The following HPSE variants were observed in gnomAD, a reference collection of about 807,000 sequenced individuals.
HPSE encodes endo-glucoronidase.
A neutral mutation model predicts 65.1 loss-of-function variants in HPSE; 48 were observed. The ratio of observed to expected loss-of-function variants is 0.74; its 90% CI spans 0.58 to 0.94. The LOEUF (loss-of-function observed/expected upper bound fraction) is 0.94. Among genes scored for constraint, HPSE ranks in the 40% least tolerant of loss-of-function variants. HPSE has a pLI of 0.00. For missense variants in HPSE, 644 were observed against 637.5 expected (o/e 1.01, Z -0.11); for synonymous variants, 243 against 260.0 (o/e 0.93, Z 0.63).
In HPSE at chr4:83,302,205, G is replaced by A. The variant is rs774923380; in HGVS notation, c.1270C>T (p.Gln424Ter). 1.2e-6 allele frequency: 2 copies of A among 1,613,932 alleles called. No homozygotes were observed. The highest frequency in any genetic ancestry group is 2.2e-5 in the South Asian group (2 of 91,068). ...VGTKVLMASV[Q>*]GSKRRKLRVY... ...CGAAGCTTCCTTCTCTTTGAACCTT[G>A]CACGCTTGCCATTAACACCTTGGTG... is the stretch of plus-strand genomic sequence containing the variant. Residue 424 changes from glutamine to a stop codon, truncating the protein, a stop_gained, in exon 10 of 12, where the codon CAA becomes TAA. Transcript: ENST00000311412. LOFTEE classifies it high-confidence loss of function.
At chr4:83,317,712 A>AC (rs1244115101) in intron 3 of HPSE, among the ~76,000 whole-genome samples, 1 of 151,256 alleles carries the variant, frequency 6.6e-6, no homozygotes, top group Admixed American at 6.6e-5. Context: ...GTTTAATGCG[A>AC]CCCCCCAAGA....
Position 83,316,176 on chromosome 4 carries a change from G to A in HPSE, c.500-2889C>T, listed in dbSNP as rs1477596769. Reference sequence around the variant, plus strand: ...GCAGTAGCTGGGACTACAGGTGGACGCCACCAAGCCCGGCTAGTTTTTGTA... The same window carrying A: ...GCAGTAGCTGGGACTACAGGTGGACACCACCAAGCCCGGCTAGTTTTTGTA... On this transcript the variant is annotated intron_variant, in intron 3 of 11. Transcript: ENST00000311412. Among the ~76,000 whole-genome samples, 4 of 151,874 alleles carry A rather than the reference G, an allele frequency of 2.6e-5. No individual in the cohort carries two copies. In the East Asian group the frequency reaches 5.8e-4, roughly 22 times the overall value.
intron 6 of HPSE, among the ~76,000 whole-genome samples, 189 bp downstream of exon 6, chr4:83,309,842 C>T (rs1736298580): frequency 1.3e-5 from 2 of 152,196 alleles, no homozygotes; most frequent in Admixed American, 6.5e-5. Flanking sequence ...GAAACCACTA[C>T]ATTATTTAAA....
chr4:83,301,640 G>A (rs537581602), intron 10 of HPSE, among the ~76,000 whole-genome samples: 10 of 152,144 alleles, frequency 6.6e-5, no homozygotes, highest in African/African-American at 2.2e-4. Context: ...ACCAACAATC[G>A]GAAATGGTAG....
At chr4:83,295,527 A>C (rs758761736) in intron 11 of HPSE, 24 bp from the exon 12 acceptor site, 1 of 1,536,242 alleles carries the variant, frequency 6.5e-7, no homozygotes, top group South Asian at 1.3e-5. Context: ...AGATACACCG[A>C]GTTAACCAAG....
chr4:83,318,508 C>T (rs1034815202), intron 3 of HPSE, among the ~76,000 whole-genome samples: 4 of 151,978 alleles, frequency 2.6e-5, no homozygotes, highest in African/African-American at 9.7e-5. Flanking sequence ...ATGGTAGGCA[C>T]CTGTAATCTC....
At chr4:83,334,940 C>A, upstream of HPSE, 3 of 1,202,744 alleles carry the variant, frequency 2.5e-6, no homozygotes, top group Non-Finnish European at 3.4e-6. Context: ...CCCTCCCACT[C>A]CTCTTCTGCA....
chr4:83,322,815 GTGTGTGTGTGTGTGTGTGTGTGTT>G (rs1489252903), intron 1 of HPSE, among the ~76,000 whole-genome samples: 1 of 147,508 alleles, frequency 6.8e-6, no homozygotes, highest in African/African-American at 2.5e-5. Flanking sequence ...GTGTGTGTGT[GTGTGTGTGTGTGTGTGTGTGTGTT>G]TGTGTGTGGA....
intron 1 of HPSE, among the ~76,000 whole-genome samples, chr4:83,329,861 G>A (rs1169899042): frequency 2.6e-5 from 4 of 152,052 alleles, no homozygotes; most frequent in African/African-American, 9.7e-5. Flanking sequence ...AGTTAATAAG[G>A]GGGAGTAAGT....
intron 11 of HPSE, among the ~76,000 whole-genome samples, chr4:83,299,040 T>C (rs780918738): frequency 1.3e-5 from 2 of 151,968 alleles, no homozygotes; most frequent in Non-Finnish European, 2.9e-5. Flanking sequence ...TCACCAGTTT[T>C]CCAATTATAA....
intron 5 of HPSE, among the ~76,000 whole-genome samples, chr4:83,310,317 T>A (rs1205004445): frequency 6.6e-6 from 1 of 152,122 alleles, no homozygotes; most frequent in East Asian, 1.9e-4. Context: ...AGCAGATTGT[T>A]TAATAACATG....
Position 83,313,204 on chromosome 4 carries a change from C to G in HPSE, c.583G>C (p.Ala195Pro). Residue 195 changes from alanine (A) to proline (P), a missense_variant, in exon 4 of 12, where the codon GCA (alanine) becomes CCA (proline). Physicochemically the swap from Ala to Pro is conservative, Grantham distance 27. Coordinates refer to ENST00000311412, the MANE Select transcript of HPSE (RefSeq NM_001098540.3). Reference sequence around the variant, plus strand: ...TTAGAACTGTTCCACTGCAAATCTGCTGTTCTTAATAACGCATTTAGGCCA... The same window carrying G: ...TTAGAACTGTTCCACTGCAAATCTGGTGTTCTTAATAACGCATTTAGGCCA... ...IFGLNALLRTADLQWNSSNAQ... is the reference protein window; with the variant it reads ...IFGLNALLRTPDLQWNSSNAQ... 1 of 1,613,856 alleles carries G rather than the reference C, an allele frequency of 6.2e-7. No individual in the cohort carries two copies. Among genetic ancestry groups the G allele is most frequent in the Non-Finnish European group, 8.5e-7 (1 of 1,179,796 alleles).
upstream of HPSE, chr4:83,334,858 C>A: frequency 7.0e-7 from 1 of 1,436,764 alleles, no homozygotes; most frequent in Non-Finnish European, 9.1e-7. Context: ...TTCCTCCCGC[C>A]GAGCCCCAGC....
At chr4:83,306,442 G>A in intron 8 of HPSE, 125 bp from the exon 9 acceptor site, 1 of 543,808 alleles carries the variant, frequency 1.8e-6, no homozygotes. Context: ...TAGAGACAGG[G>A]TCTCACTCTG....
At chr4:83,318,955 G>C (rs982666811) in intron 3 of HPSE, among the ~76,000 whole-genome samples, 1 of 152,046 alleles carries the variant, frequency 6.6e-6, no homozygotes, top group African/African-American at 2.4e-5. Context: ...AGGCATACTG[G>C]GGGTTATTTC....
chr4:83,305,594 C>T (rs1383240653), intron 9 of HPSE, among the ~76,000 whole-genome samples: 1 of 152,170 alleles, frequency 6.6e-6, no homozygotes, highest in Non-Finnish European at 1.5e-5. Flanking sequence ...CTTCTCAGGG[C>T]TACATCTGTA....
chr4:83,310,854 A>G lies in HPSE; in HGVS notation c.710T>C (p.Ile237Thr). The G allele has an allele frequency of 6.2e-7, 1 of 1,613,922 alleles. No individual in the cohort carries two copies. Among genetic ancestry groups the G allele is most frequent in the Non-Finnish European group, 8.5e-7 (1 of 1,179,816 alleles). The change falls in exon 5 of 12, where the codon ATC becomes ACC. Residue 237 changes from isoleucine (I) to threonine (T), a missense_variant. Transcript: ENST00000311412. ...NSFLKKADIF[I>T]NGSQLGEDFI... ...ATCTTCTCCTAACTGCGACCCATTG[A>G]TGAAAATATCAGCCTTCTTAAGGAA...
At chr4:83,312,493 C>G (rs992303960) in intron 4 of HPSE, among the ~76,000 whole-genome samples, 7 of 151,232 alleles carry the variant, frequency 4.6e-5, no homozygotes, top group African/African-American at 1.7e-4. Flanking sequence ...CTGGCTAACA[C>G]GGTGAAACCC....
intron 1 of HPSE, among the ~76,000 whole-genome samples, chr4:83,323,471 C>T (rs893499428): frequency 6.7e-6 from 1 of 150,278 alleles, no homozygotes; most frequent in Non-Finnish European, 1.5e-5. Flanking sequence ...TGCTGTGAAC[C>T]TAAAACTGCT....
Sources: allele counts gnomAD v4.1 joint callset (sites outside exome capture counted in the v4.1 genomes callset), GRCh38; gene constraint gnomAD v4.1.1; transcripts MANE v1.5; gene names NCBI Gene and HGNC (gene_info 2026-07-23, HGNC 2026-07-21).